GPC6: variants seen among roughly 807,000 people sequenced by gnomAD.
GPC6 encodes the protein glypican 6, also known as glypican-6.
A neutral mutation model predicts 55.2 loss-of-function variants in GPC6; 14 were observed. The ratio of observed to expected loss-of-function variants is 0.25; its 90% CI spans 0.17 to 0.40. The LOEUF is 0.40. GPC6 is among the 10% of genes least tolerant of loss of function. The pLI is 1.00. For synonymous variants in GPC6, 278 were observed against 259.6 expected (o/e 1.07, Z -0.68); for missense variants, 641 against 708.5 (o/e 0.90, Z 1.08).
intron 5 of GPC6, among the ~76,000 whole-genome samples, chr13:94,290,747 A>T (rs1480357738): frequency 6.6e-6 from 1 of 152,214 alleles, no homozygotes; most frequent in Non-Finnish European, 1.5e-5. Context: ...AAAATTCTTC[A>T]AGAGATCAGA....
intron 4 of GPC6, among the ~76,000 whole-genome samples, chr13:94,069,538 G>A (rs958922325): frequency 1.3e-5 from 2 of 152,072 alleles, no homozygotes. Flanking sequence ...TTAGCACATT[G>A]TCAGACTGTA....
rs752058772 is a variant in GPC6 at position 93,906,978 on chromosome 13, GA to G, written c.711+76434del. ...TGCCTGTCAAAAATTTACATTCAAAGATGTAAACATGTGGAGATAAGAACTA... is the reference window on the plus strand; with the variant it reads ...TGCCTGTCAAAAATTTACATTCAAAGTGTAAACATGTGGAGATAAGAACTA... On this transcript the variant is annotated intron_variant, in intron 3 of 8. Coordinates refer to ENST00000377047, the MANE Select transcript of GPC6 (RefSeq NM_005708.5). Among the ~76,000 whole-genome samples the G allele has an allele frequency of 2.0e-5, 3 of 152,260 alleles. No homozygotes were observed. The South Asian group carries it at 6.2e-4, about 32-fold the overall frequency.
At chr13:93,455,920 A>C (rs887807823) in intron 1 of GPC6, among the ~76,000 whole-genome samples, 1 of 152,230 alleles carries the variant, frequency 6.6e-6, no homozygotes. Flanking sequence ...TCATTTCAGA[A>C]AGAAAGAGTC....
chr13:93,329,903 A>G (rs2139134967), intron 1 of GPC6, among the ~76,000 whole-genome samples: 1 of 152,292 alleles, frequency 6.6e-6, no homozygotes, highest in East Asian at 1.9e-4. Context: ...AAATGAAATT[A>G]TAAATAAATA....
rs565137036 is a variant in GPC6 at position 94,108,133 on chromosome 13, A to G, written c.877+80239A>G. Among the ~76,000 whole-genome samples, 8 of 152,324 alleles carry G rather than the reference A, an allele frequency of 5.3e-5. No homozygotes were observed. In the East Asian group the frequency reaches 1.5e-3, roughly 29 times the overall value. On this transcript the variant is annotated intron_variant, in intron 4 of 8. Coordinates refer to ENST00000377047, the MANE Select transcript of GPC6 (RefSeq NM_005708.5). ...TTCGCAACTGCAAAAATGTGGAACC[A>G]GCCCAAATTCCCATGAATCAACAAG...
At chr13:94,201,432 G>T (rs16949593) in intron 4 of GPC6, among the ~76,000 whole-genome samples, 1 of 152,074 alleles carries the variant, frequency 6.6e-6, no homozygotes, top group Non-Finnish European at 1.5e-5. Context: ...GTAACTTGAC[G>T]ATCCAGGCCA....
chr13:93,296,364 C>T (rs955823781), intron 1 of GPC6, among the ~76,000 whole-genome samples: 1 of 152,160 alleles, frequency 6.6e-6, no homozygotes, highest in Non-Finnish European at 1.5e-5. Context: ...TGGCAGTAGG[C>T]TCCTAAAGAA....
At chr13:93,317,402 C>T (rs1332413887) in intron 1 of GPC6, among the ~76,000 whole-genome samples, 5 of 152,108 alleles carry the variant, frequency 3.3e-5, no homozygotes, top group African/African-American at 1.2e-4. Context: ...GGAGACCTCC[C>T]ATGCTTCAAA....
At chr13:93,541,003 A>G (rs755236514) in intron 1 of GPC6, among the ~76,000 whole-genome samples, 3 of 151,988 alleles carry the variant, frequency 2.0e-5, no homozygotes, top group African/African-American at 4.8e-5. Flanking sequence ...TCCATGTTGC[A>G]GTGAATGATG....
intron 1 of GPC6, among the ~76,000 whole-genome samples, chr13:93,263,994 C>T (rs1412482353): frequency 6.6e-6 from 1 of 152,088 alleles, no homozygotes; most frequent in Non-Finnish European, 1.5e-5. Context: ...GTTTACGTGA[C>T]GGTATCTGTG....
chr13:94,339,139 C>T (rs1024861866), intron 6 of GPC6, among the ~76,000 whole-genome samples: 2 of 151,938 alleles, frequency 1.3e-5, no homozygotes, highest in Non-Finnish European at 2.9e-5. Context: ...AACACAGCTC[C>T]GTGCAGCCTC....
At chr13:93,528,255 A>T (rs923741986) in intron 1 of GPC6, among the ~76,000 whole-genome samples, 2 of 152,190 alleles carry the variant, frequency 1.3e-5, no homozygotes, top group African/African-American at 4.8e-5. Context: ...AGTTTATTGT[A>T]TATCACCCCA....
chr13:93,775,383 G>A (rs1161451883), intron 2 of GPC6, among the ~76,000 whole-genome samples: 1 of 152,180 alleles, frequency 6.6e-6, no homozygotes, highest in African/African-American at 2.4e-5. Context: ...TACAGGCTTA[G>A]AGTCATCTAG....
chr13:93,846,837 A>G (rs1378136725), intron 3 of GPC6, among the ~76,000 whole-genome samples: 1 of 152,182 alleles, frequency 6.6e-6, no homozygotes, highest in East Asian at 1.9e-4. Flanking sequence ...GGGTTGGACT[A>G]GCCACATTTC....
chr13:94,014,518 G>A (rs1358320111), intron 3 of GPC6, among the ~76,000 whole-genome samples: 1 of 152,088 alleles, frequency 6.6e-6, no homozygotes, highest in Non-Finnish European at 1.5e-5. Context: ...GCTTTATCAA[G>A]ATACATTTTA....
At chr13:94,198,135 CT>C (rs896967742) in intron 4 of GPC6, among the ~76,000 whole-genome samples, 2 of 151,936 alleles carry the variant, frequency 1.3e-5, no homozygotes, top group East Asian at 1.9e-4. Context: ...CTGTTAAGTA[CT>C]TTTTTTTCTG....
At chr13:93,535,295 C>G (rs1292112910) in intron 1 of GPC6, among the ~76,000 whole-genome samples, 2 of 152,120 alleles carry the variant, frequency 1.3e-5, no homozygotes, top group African/African-American at 4.8e-5. Context: ...ATTGTTATAT[C>G]AAATACTTGT....
intron 3 of GPC6, among the ~76,000 whole-genome samples, chr13:93,927,992 ATTTTTTTTGCT>A (rs1877949320): frequency 6.6e-6 from 1 of 151,750 alleles, no homozygotes; most frequent in Non-Finnish European, 1.5e-5. Flanking sequence ...TCCAGGTCTG[ATTTTTTTTGCT>A]TAATAAAATA....
chr13:93,780,275 C>T (rs1406374407), intron 2 of GPC6, among the ~76,000 whole-genome samples: 1 of 147,096 alleles, frequency 6.8e-6, no homozygotes, highest in East Asian at 2.0e-4. Flanking sequence ...AATTTAAAAG[C>T]AAAAAAAAAC....
Sources: allele counts gnomAD v4.1 joint callset (sites outside exome capture counted in the v4.1 genomes callset), GRCh38; gene constraint gnomAD v4.1.1; transcripts MANE v1.5; gene names NCBI Gene and HGNC (gene_info 2026-07-23, HGNC 2026-07-21).